Variants in GRIN2A observed in about 807,000 individuals in gnomAD.
GRIN2A encodes the protein glutamate receptor ionotropic, NMDA 2A.
A neutral mutation model predicts 113.4 loss-of-function variants in GRIN2A; 22 were observed. The ratio of observed to expected loss-of-function variants is 0.19; its 90% CI spans 0.14 to 0.28. The LOEUF (loss-of-function observed/expected upper bound fraction) is 0.28. GRIN2A is among the 10% of genes least tolerant of loss of function. The pLI, the probability that GRIN2A is intolerant of heterozygous loss-of-function variation, is 1.00. For missense variants in GRIN2A, 1,502 were observed against 1,887.0 expected, an observed-to-expected ratio of 0.80 and a Z score of 3.78; for synonymous variants, 827 against 738.4, an observed-to-expected ratio of 1.12 and a Z score of -1.94.
At chr16:9,978,194 G>C (rs1490936758) in intron 2 of GRIN2A, among the ~76,000 whole-genome samples, 1 of 152,216 alleles carries the variant, frequency 6.6e-6, no homozygotes, top group Non-Finnish European at 1.5e-5. Flanking sequence ...CCCAATGCAA[G>C]TTAGAGTTGT....
chr16:10,125,311 G>A (rs1245310554), intron 2 of GRIN2A, among the ~76,000 whole-genome samples: 1 of 152,100 alleles, frequency 6.6e-6, no homozygotes, highest in South Asian at 2.1e-4. Context: ...TGCATTTATT[G>A]TCGAAGAAGC....
In GRIN2A at chr16:9,764,281, C is replaced by T; in HGVS notation, c.3263G>A (p.Arg1088Lys). The T allele has an allele frequency of 9.3e-6, 15 of 1,613,974 alleles. No individual in the cohort carries two copies. The highest frequency in any genetic ancestry group is 1.3e-5 in the Non-Finnish European group (15 of 1,179,988). ...KNHKTKDNFKRSVASKYPKDC... is the reference protein window; with the variant it reads ...KNHKTKDNFKKSVASKYPKDC... ...CTTGGGGTATTTGGAGGCCACTGAC[C>T]TTTTAAAGTTGTCCTTGGTTTTGTG... is the stretch of plus-strand genomic sequence containing the variant. The change falls in exon 13 of 13, where the codon AGG becomes AAG. Residue 1088 changes from arginine to lysine, a missense_variant. Transcript: ENST00000330684.
At chr16:9,868,980 G>A (rs1005219875) in intron 4 of GRIN2A, among the ~76,000 whole-genome samples, 4 of 152,146 alleles carry the variant, frequency 2.6e-5, no homozygotes, top group Non-Finnish European at 4.4e-5. Flanking sequence ...AACTGGGCAG[G>A]TAGCCTCTCC....
At chr16:10,177,849 C>T (rs1254272669) in intron 2 of GRIN2A, among the ~76,000 whole-genome samples, 1 of 152,168 alleles carries the variant, frequency 6.6e-6, no homozygotes, top group Non-Finnish European at 1.5e-5. Context: ...GGGTTCCCTT[C>T]CATGACCCTA....
At position 9,798,271 on chromosome 16, in the gene GRIN2A, T is replaced by G; in HGVS notation, c.2356+6A>C. 6.2e-7 allele frequency: 1 copy of G among 1,612,146 alleles called. No homozygotes were observed. Among genetic ancestry groups the G allele is most frequent in the South Asian group, 1.1e-5 (1 of 90,898 alleles). On this transcript the variant is annotated splice_donor_region_variant and intron_variant, in intron 11 of 12. Coordinates refer to ENST00000330684, the MANE Select transcript of GRIN2A (RefSeq NM_001134407.3). Reference sequence around the variant, plus strand: ...CCCTAAAGAAAGGGGTCACCCGGGGTCTTACCATCACCCACAAACTGAAGC... The same window carrying G: ...CCCTAAAGAAAGGGGTCACCCGGGGGCTTACCATCACCCACAAACTGAAGC...
At chr16:10,119,953 T>C (rs1280638077) in intron 2 of GRIN2A, among the ~76,000 whole-genome samples, 3 of 152,226 alleles carry the variant, frequency 2.0e-5, no homozygotes, top group African/African-American at 4.8e-5. Flanking sequence ...ATGCTGTATA[T>C]GTACCAGATT....
At chr16:9,889,484 G>A (rs2043650398) in intron 4 of GRIN2A, among the ~76,000 whole-genome samples, 1 of 151,852 alleles carries the variant, frequency 6.6e-6, no homozygotes, top group Non-Finnish European at 1.5e-5. Context: ...GTGTATTTAT[G>A]ATTTTTTTCT....
intron 3 of GRIN2A, among the ~76,000 whole-genome samples, chr16:9,891,516 A>G (rs1169533990): frequency 2.6e-5 from 4 of 152,252 alleles, no homozygotes; most frequent in Non-Finnish European, 5.9e-5. Context: ...CATTTGCTAT[A>G]TGTCAGGACT....
intron 2 of GRIN2A, among the ~76,000 whole-genome samples, chr16:10,036,165 C>T (rs1032112297): frequency 6.6e-6 from 1 of 152,178 alleles, no homozygotes; most frequent in African/African-American, 2.4e-5. Context: ...AGGACTTCTC[C>T]CCTTTTCAAT....
chr16:9,900,709 T>C (rs1471909607), intron 3 of GRIN2A, among the ~76,000 whole-genome samples: 2 of 152,208 alleles, frequency 1.3e-5, no homozygotes, highest in African/African-American at 4.8e-5. Context: ...TCTTGGAACC[T>C]GGGGTGAGGA....
At chr16:9,967,470 C>T (rs1307601908) in intron 2 of GRIN2A, among the ~76,000 whole-genome samples, 1 of 152,180 alleles carries the variant, frequency 6.6e-6, no homozygotes, top group African/African-American at 2.4e-5. Flanking sequence ...CTTTGGGAGG[C>T]CAAGGCGGGT....
chr16:10,077,695 T>C (rs911737234), intron 2 of GRIN2A, among the ~76,000 whole-genome samples: 1 of 152,130 alleles, frequency 6.6e-6, no homozygotes, highest in Non-Finnish European at 1.5e-5. Flanking sequence ...TCTCCTTCCA[T>C]CCCCAAGCCA....
chr16:9,949,580 A>T (rs1377068680), intron 2 of GRIN2A, among the ~76,000 whole-genome samples: 1 of 151,806 alleles, frequency 6.6e-6, no homozygotes, highest in Non-Finnish European at 1.5e-5. Context: ...GGATGGATGA[A>T]TGGATAGACG....
chr16:9,902,982 T>TGGGGGGGGG (rs2043960899), intron 3 of GRIN2A, among the ~76,000 whole-genome samples: 1 of 7,248 alleles, frequency 1.4e-4, no homozygotes, highest in Non-Finnish European at 2.7e-4. Context: ...GGGGGGTGGG[T>TGGGGGGGGG]GGGGGTGACG....
At position 9,764,880 on chromosome 16, in the gene GRIN2A, C is replaced by T. The variant is rs113847665; in HGVS notation, c.2664G>A (p.Thr888=). ...GTTTTAACATGTTGCTCTGGGATCC[C>T]GTCAGATTGAAGTCTGGAGACTTCT... ...EKKKSPDFNL[T]GSQSNMLKLL... is the part of the protein sequence containing the mutation. Residue 888 remains threonine (T), a synonymous_variant, in exon 13 of 13, where the codon ACG becomes ACA. Transcript: ENST00000330684. 4.0e-5 allele frequency: 64 copies of T among 1,614,062 alleles called. No homozygotes were observed. The highest frequency in any genetic ancestry group is 3.5e-4 in the African/African-American group (26 of 75,026).
intron 2 of GRIN2A, among the ~76,000 whole-genome samples, chr16:10,069,314 G>C (rs2047708254): frequency 1.3e-5 from 2 of 152,196 alleles, no homozygotes; most frequent in South Asian, 4.1e-4. Context: ...GTGGGGATGA[G>C]AGAAAGAGAA....
At chr16:10,146,587 A>G (rs1189281426) in intron 2 of GRIN2A, among the ~76,000 whole-genome samples, 2 of 151,922 alleles carry the variant, frequency 1.3e-5, no homozygotes, top group African/African-American at 2.4e-5. Flanking sequence ...TCCCCCACAG[A>G]GTATAAATTG....
intron 2 of GRIN2A, among the ~76,000 whole-genome samples, chr16:10,058,326 G>A (rs13330577): frequency 0.01 from 1,533 of 151,466 alleles, 23 homozygotes; most frequent in African/African-American, 0.034. Flanking sequence ...CAAAAAAACC[G>A]CTAGATTACA....
intron 10 of GRIN2A, among the ~76,000 whole-genome samples, chr16:9,816,356 C>A (rs2042185288): frequency 6.6e-6 from 1 of 152,112 alleles, no homozygotes; most frequent in South Asian, 2.1e-4. Flanking sequence ...AGGAAACCAA[C>A]AGAGACCTGT....
Sources: allele counts gnomAD v4.1 joint callset (sites outside exome capture counted in the v4.1 genomes callset), GRCh38; gene constraint gnomAD v4.1.1; transcripts MANE v1.5; gene names NCBI Gene and HGNC (gene_info 2026-07-23, HGNC 2026-07-21).